The following LHFPL5 variants were observed in gnomAD, a reference collection of about 807,000 sequenced individuals.
LHFPL5 encodes the protein LHFPL tetraspan subfamily member 5 protein.
In LHFPL5, 12 loss-of-function variants were observed where a neutral mutation model predicts 18.7. The ratio of observed to expected loss-of-function variants is 0.64; its 90% CI spans 0.41 to 1.04. The LOEUF is 1.04. Ranked by LOEUF, LHFPL5 falls within the 50% of genes least tolerant of loss-of-function variation. The probability of loss-of-function intolerance (pLI) is 0.00; values close to 1 mark genes in which losing one functional copy is unlikely to be tolerated. For missense variants in LHFPL5, 259 were observed against 292.1 expected, an observed-to-expected ratio of 0.89 and a Z score of 0.83; for synonymous variants, 111 against 120.2, an observed-to-expected ratio of 0.92 and a Z score of 0.50.
chr6:35,808,108 C>T (rs1447328768), intron 1 of LHFPL5, among the ~76,000 whole-genome samples: 6 of 151,628 alleles, frequency 4.0e-5, no homozygotes, highest in Admixed American at 2.0e-4. Flanking sequence ...AGAGAGAGGC[C>T]GGGGCAGGGG....
intron 2 of LHFPL5, among the ~76,000 whole-genome samples, chr6:35,815,937 C>T (rs1020192932): frequency 5.3e-5 from 8 of 152,036 alleles, no homozygotes; most frequent in Admixed American, 1.3e-4. Flanking sequence ...TTTGGGAGGC[C>T]GAGGTGGGTG....
intron 2 of LHFPL5, among the ~76,000 whole-genome samples, chr6:35,818,892 C>T (rs959216028): frequency 3.3e-5 from 5 of 151,914 alleles, no homozygotes; most frequent in East Asian, 1.9e-4. Flanking sequence ...AGTGCAGTGG[C>T]GTGATCTGGG....
chr6:35,820,771 AC>A (rs1768850614), intron 3 of LHFPL5, among the ~76,000 whole-genome samples: 1 of 152,088 alleles, frequency 6.6e-6, no homozygotes, highest in Admixed American at 6.6e-5. Flanking sequence ...AGAAACCCTC[AC>A]AACAGTGTTG....
intron 2 of LHFPL5, among the ~76,000 whole-genome samples, chr6:35,816,345 C>CAAAAAAA (rs761580974): frequency 1.3e-5 from 1 of 77,650 alleles, no homozygotes; most frequent in Non-Finnish European, 2.6e-5. Flanking sequence ...GACTCCGTCT[C>CAAAAAAA]AAAAAAAAAA....
Position 35,823,444 on chromosome 6 carries a change from T to TACACAC in LHFPL5, c.*480_*481insCACACA, listed in dbSNP as rs879873145. 1.0e-5 allele frequency: 1 copy of TACACAC among 95,544 alleles called. No homozygotes were observed. The highest frequency in any genetic ancestry group is 5.9e-5 in the African/African-American group (1 of 17,048). The allele number at this position is 95,544 out of a possible 1,614,324, so 5.9% of individuals were successfully genotyped here. The stretch of plus-strand genomic sequence containing the variant: ...ACACACATACATACACACACACATA[T>TACACAC]ATATACACACACACACACACACACA... On this transcript the variant is annotated 3_prime_UTR_variant, in exon 4 of 4. Coordinates refer to ENST00000360215, the MANE Select transcript of LHFPL5 (RefSeq NM_182548.4).
intron 2 of LHFPL5, among the ~76,000 whole-genome samples, 158 bp from the exon 3 acceptor site, chr6:35,819,279 G>A (rs758132587): frequency 1.3e-5 from 2 of 152,190 alleles, no homozygotes; most frequent in Non-Finnish European, 2.9e-5. Flanking sequence ...ACAATCATGC[G>A]ATACAGTTAC....
intron 1 of LHFPL5, among the ~76,000 whole-genome samples, chr6:35,809,329 C>T (rs1164810738): frequency 2.6e-5 from 4 of 152,116 alleles, no homozygotes; most frequent in Non-Finnish European, 4.4e-5. Flanking sequence ...TCATTTCTCA[C>T]AGTTCTGGAG....
chr6:35,820,261 C>T (rs1768841695), intron 3 of LHFPL5, among the ~76,000 whole-genome samples: 2 of 152,056 alleles, frequency 1.3e-5, no homozygotes, highest in South Asian at 4.1e-4. Context: ...GCTCTGATTC[C>T]TCATAGCCGA....
intron 3 of LHFPL5, among the ~76,000 whole-genome samples, chr6:35,821,475 G>GTA: frequency 6.9e-6 from 1 of 144,020 alleles, no homozygotes; most frequent in South Asian, 2.4e-4. Context: ...GTGTGTGTGT[G>GTA]TGTGTGTGTG....
Position 35,814,398 on chromosome 6 carries a change from A to C in LHFPL5, c.413-148A>C, listed in dbSNP as rs181587772. The C allele has an allele frequency of 9.1e-5, 70 of 770,038 alleles. No individual in the cohort carries two copies. The Admixed American group carries it at 1.2e-3, about 13-fold the overall frequency. The allele number at this position is 770,038 out of a possible 1,614,324, so 47.7% of individuals were successfully genotyped here. A position where few individuals can be genotyped will look rare whatever the true frequency, so the allele number is the denominator to read the frequency against. On this transcript the variant is annotated intron_variant, in intron 1 of 3. Coordinates refer to ENST00000360215, the MANE Select transcript of LHFPL5 (RefSeq NM_182548.4). The surrounding 1 kb of genome is among the most constrained non-coding windows in gnomAD (Gnocchi z 4.2). ...AGTTTTCTCACCTGTGTTCTGCAAG[A>C]AGGATGGTAGAGGCTGCCTCTCATG...
intron 1 of LHFPL5, among the ~76,000 whole-genome samples, chr6:35,808,977 G>C (rs756428165): frequency 2.0e-5 from 3 of 152,138 alleles, no homozygotes; most frequent in Non-Finnish European, 2.9e-5. Flanking sequence ...GAAATGAGCC[G>C]AAGGGAGAGA....
At position 35,814,848 on chromosome 6, in the gene LHFPL5, CT is replaced by C. The variant is rs1768732387; in HGVS notation, c.649+68del. On this transcript the variant is annotated intron_variant, in intron 2 of 3. Transcript: ENST00000360215. The surrounding 1 kb of genome is among the most constrained non-coding windows in gnomAD (Gnocchi z 4.2). ...CCCTGGGATGTGGGTGGGGGTTCAT[CT>C]TAGCCAGTCCTCTAAGGCTTGGTCC... The C allele has an allele frequency of 2.8e-6, 4 of 1,408,162 alleles. No homozygotes were observed. In the Admixed American group the frequency reaches 5.0e-5, roughly 18 times the overall value. 87.2% of individuals were successfully genotyped at this position (1,408,162 alleles called of 1,614,324 possible). A position where few individuals can be genotyped will look rare whatever the true frequency, so the allele number is the denominator to read the frequency against.
intron 1 of LHFPL5, among the ~76,000 whole-genome samples, chr6:35,811,034 C>T (rs1768657774): frequency 6.6e-6 from 1 of 152,098 alleles, no homozygotes; most frequent in South Asian, 2.1e-4. Flanking sequence ...TCGCTAGTGG[C>T]ATCAGTCACC....
Position 35,805,915 on chromosome 6 carries a change from G to C in LHFPL5, c.245G>C (p.Gly82Ala). ...TCCTCCGAGCTCATCTGCAAGGGCG[G>C]CCCCCTAGACTTCTCCTCCATCCCC... ...VLSSELICKG[G>A]PLDFSSIPSR... The change falls in exon 1 of 4, where the codon GGC becomes GCC. Residue 82 changes from glycine to alanine, a missense_variant. Gly to Ala is a moderately conservative substitution (Grantham distance 60, BLOSUM62 0). Coordinates refer to ENST00000360215, the MANE Select transcript of LHFPL5 (RefSeq NM_182548.4). The surrounding 1 kb of genome is among the most constrained non-coding windows in gnomAD (Gnocchi z 4.3). 1.2e-6 allele frequency: 2 copies of C among 1,614,190 alleles called. No homozygotes were observed. Among genetic ancestry groups the C allele is most frequent in the Non-Finnish European group, 1.7e-6 (2 of 1,180,030 alleles).
intron 1 of LHFPL5, among the ~76,000 whole-genome samples, chr6:35,813,340 G>T (rs184410974): frequency 0.011 from 1,551 of 147,040 alleles, 16 homozygotes; most frequent in Non-Finnish European, 0.015. Flanking sequence ...CGCCTCCCAG[G>T]TTCACACCAT....
Position 35,805,486 on chromosome 6 carries a change from C to T in LHFPL5, c.-185C>T. The T allele has an allele frequency of 1.6e-6, 1 of 622,374 alleles. No homozygotes were observed. Among genetic ancestry groups the T allele is most frequent in the South Asian group, 1.9e-5 (1 of 52,594 alleles). The allele number at this position is 622,374 out of a possible 1,614,324, so 38.6% of individuals were successfully genotyped here. Reference sequence around the variant, plus strand: ...CAGGCACCTGGCAAGCTTTCCTTGACCAAATCAAGGTTGTCCTTGTCCTAT... The same window carrying T: ...CAGGCACCTGGCAAGCTTTCCTTGATCAAATCAAGGTTGTCCTTGTCCTAT... On this transcript the variant is annotated 5_prime_UTR_variant, in exon 1 of 4. Coordinates refer to ENST00000360215, the MANE Select transcript of LHFPL5 (RefSeq NM_182548.4). The surrounding 1 kb of genome is among the most constrained non-coding windows in gnomAD (Gnocchi z 4.3).
rs1768919516 is a variant in LHFPL5 at position 35,823,597 on chromosome 6, C to T, written c.*632C>T. 1.3e-5 allele frequency: 2 copies of T among 151,188 alleles called. No individual in the cohort carries two copies. Among genetic ancestry groups the T allele is most frequent in the African/African-American group, 4.9e-5 (2 of 41,146 alleles). The allele number at this position is 151,188 out of a possible 1,614,324, so 9.4% of individuals were successfully genotyped here. A position where few individuals can be genotyped will look rare whatever the true frequency, so the allele number is the denominator to read the frequency against. On this transcript the variant is annotated 3_prime_UTR_variant, in exon 4 of 4. Transcript: ENST00000360215. Reference sequence around the variant, plus strand: ...AGGTGTAGGGGGTCTTTTGCTTCTCCCTTCTCATATTTTGTTTTCTTATTG... The same window carrying T: ...AGGTGTAGGGGGTCTTTTGCTTCTCTCTTCTCATATTTTGTTTTCTTATTG...
intron 2 of LHFPL5, among the ~76,000 whole-genome samples, chr6:35,818,347 ATG>A (rs1491196884): frequency 3.3e-3 from 17 of 5,102 alleles, no homozygotes; most frequent in African/African-American, 6.9e-3. Flanking sequence ...ATATATATAT[ATG>A]TATTTTTTTT....
chr6:35,819,584 T>C, intron 3 of LHFPL5, 121 bp downstream of exon 3: 2 of 962,704 alleles, frequency 2.1e-6, no homozygotes, highest in Non-Finnish European at 3.3e-6. Context: ...GTGATGCTGC[T>C]TGGGGAGAGA....
Sources: gnomAD v4.1 joint callset for allele counts (sites outside exome capture counted in the v4.1 genomes callset) on GRCh38, gnomAD v4.1.1 for gene constraint, Gnocchi (gnomAD v3.1) non-coding constraint, MANE v1.5 for transcripts, NCBI Gene and HGNC (gene_info 2026-07-23, HGNC 2026-07-21) for gene names.